Variants in BRD3 observed in about 807,000 individuals in gnomAD.
BRD3 encodes bromodomain containing 3.
A neutral mutation model predicts 66.8 loss-of-function variants in BRD3; 17 were observed. The observed-to-expected ratio is 0.25, with a 90% CI of 0.17 to 0.38. The LOEUF is 0.38. Among genes scored for constraint, BRD3 ranks in the 10% least tolerant of loss-of-function variants. The probability of loss-of-function intolerance (pLI) is 1.00; values close to 1 mark genes in which losing one functional copy is unlikely to be tolerated. For missense variants in BRD3, 713 were observed against 956.1 expected, an observed-to-expected ratio of 0.75 and a Z score of 3.35; for synonymous variants, 421 against 393.2, an observed-to-expected ratio of 1.07 and a Z score of -0.84.
In BRD3 at chr9:134,050,661, TCCAGCCAGAACACGGGTA is replaced by T; in HGVS notation, c.500-91_500-74del. 3 of 1,286,348 alleles carry T rather than the reference TCCAGCCAGAACACGGGTA, an allele frequency of 2.3e-6. No homozygotes were observed. In the Admixed American group the frequency reaches 5.9e-5, roughly 25 times the overall value. The allele number at this position is 1,286,348 out of a possible 1,614,324, so 79.7% of individuals were successfully genotyped here. The stretch of plus-strand genomic sequence containing the variant: ...TTCCAGAAGCTTCCAGTGCCACCCC[TCCAGCCAGAACACGGGTA>T]CCAGCTCTGTGCTGCCAAGACCGCC... On this transcript the variant is annotated intron_variant, in intron 4 of 11. Coordinates refer to ENST00000303407, the MANE Select transcript of BRD3 (RefSeq NM_007371.4).
chr9:134,049,856 G>A (rs889714533), intron 5 of BRD3, among the ~76,000 whole-genome samples: 3 of 152,160 alleles, frequency 2.0e-5, no homozygotes, highest in African/African-American at 7.2e-5. Context: ...CCCAAATCTT[G>A]CAGGGAGCAC....
chr9:134,033,639 C>T lies in BRD3; in HGVS notation c.2132G>A (p.Gly711Glu), dbSNP rs1413697224. 1 of 771,606 alleles carries T rather than the reference C, an allele frequency of 1.3e-6. No individual in the cohort carries two copies. Among genetic ancestry groups the T allele is most frequent in the Non-Finnish European group, 2.4e-6 (1 of 414,010 alleles). The allele number at this position is 771,606 out of a possible 1,614,324, so 47.8% of individuals were successfully genotyped here. A position where few individuals can be genotyped will look rare whatever the true frequency, so the allele number is the denominator to read the frequency against. ...GCTGGACCCGCTGGAGCTGCTGCTCCCAGACTCGGAGGAGCTGCTGCTGCT... is the reference window on the plus strand; with the variant it reads ...GCTGGACCCGCTGGAGCTGCTGCTCTCAGACTCGGAGGAGCTGCTGCTGCT... ...RLSSSSSSESGSSSSSGSSSD... is the reference protein window; with the variant it reads ...RLSSSSSSESESSSSSGSSSD... Residue 711 changes from glycine to glutamate, a missense_variant, in exon 12 of 12, where the codon GGG becomes GAG. Physicochemically the swap from Gly to Glu is moderately conservative, Grantham distance 98. This residue lies in a region of BRD3 where 42 missense variants were observed against 29.2 expected (regional missense o/e 1.44). Coordinates refer to ENST00000303407, the MANE Select transcript of BRD3 (RefSeq NM_007371.4). The surrounding 1 kb of genome is among the most constrained non-coding windows in gnomAD (Gnocchi z 5.1).
chr9:134,051,847 A>ATATGTGTGTGTGTGTGTGTGTGTG (rs1554829351), intron 3 of BRD3, 138 bp from the exon 4 acceptor site: 2 of 508,064 alleles, frequency 3.9e-6, no homozygotes, highest in African/African-American at 6.5e-5. Flanking sequence ...AAATGAATAT[A>ATATGTGTGTGTGTGTGTGTGTGTG]TGTGTGTGTG....
rs777512450 is a variant in BRD3 at position 134,048,419 on chromosome 9, A to T, written c.750T>A (p.Thr250=). Reference sequence around the variant, plus strand: ...TGGCAGTGATGGCCGACGTCGTGGGAGTGGTTGTGTCTGCTTTCCGCTTCA... The same window carrying T: ...TGGCAGTGATGGCCGACGTCGTGGGTGTGGTTGTGTCTGCTTTCCGCTTCA... ...KGVKRKADTT[T]PTTSAITASR... is the part of the protein sequence containing the mutation. Residue 250 remains threonine (T), a synonymous_variant, in exon 6 of 12, where the codon ACT becomes ACA. Coordinates refer to ENST00000303407, the MANE Select transcript of BRD3 (RefSeq NM_007371.4). 1.3e-6 allele frequency: 2 copies of T among 1,598,444 alleles called. No individual in the cohort carries two copies. Among genetic ancestry groups the T allele is most frequent in the Non-Finnish European group, 1.7e-6 (2 of 1,179,866 alleles).
intron 1 of BRD3, among the ~76,000 whole-genome samples, chr9:134,060,702 C>T (rs1035749090): frequency 5.3e-5 from 8 of 152,276 alleles, no homozygotes; most frequent in Non-Finnish European, 1.0e-4. Flanking sequence ...TGACTAGCCC[C>T]CTTCCTGGGT....
Position 134,042,678 on chromosome 9 carries a change from T to C in BRD3, c.1216-727A>G, listed in dbSNP as rs199559581. ...ACACACACACACACACACATATATA[T>C]ACACACACACACATATACACACACA... On this transcript the variant is annotated intron_variant, in intron 7 of 11. Transcript: ENST00000303407. Among the ~76,000 whole-genome samples the C allele has an allele frequency of 6.7e-3, 939 of 139,222 alleles. 7 individuals carry two copies. Among genetic ancestry groups the C allele is most frequent in the African/African-American group, 0.022 (862 of 39,594 alleles). The allele number at this position is 139,222 out of a possible 152,430, so 91.3% of individuals were successfully genotyped here.
Position 134,033,672 on chromosome 9 carries a change from G to C in BRD3, c.2099C>G (p.Ser700Cys), listed in dbSNP as rs1331746951. Residue 700 changes from serine (S) to cysteine (C), a missense_variant, in exon 12 of 12, where the codon TCC becomes TGC. Transcript: ENST00000303407. The surrounding 1 kb of genome is among the most constrained non-coding windows in gnomAD (Gnocchi z 5.1). The stretch of plus-strand genomic sequence containing the variant: ...GGAGGAGCTGCTGCTGCTGAGCCTG[G>C]ACGGGCCCCCTGAGGGTGCTGAGCC... ...KPGSAPSGGP[S>C]RLSSSSSSES... The C allele has an allele frequency of 1.3e-6, 1 of 763,854 alleles. No homozygotes were observed. Among genetic ancestry groups the C allele is most frequent in the African/African-American group, 1.7e-5 (1 of 58,962 alleles). 47.3% of individuals were successfully genotyped at this position (763,854 alleles called of 1,614,324 possible).
intron 6 of BRD3, 84 bp downstream of exon 6, chr9:134,047,999 C>T: frequency 6.9e-7 from 1 of 1,439,894 alleles, no homozygotes; most frequent in Non-Finnish European, 9.1e-7. Context: ...CCCGACAGCC[C>T]CCACTCAGCC....
chr9:134,058,722 A>AG (rs1830476619), intron 1 of BRD3: 1 of 152,336 alleles, frequency 6.6e-6, no homozygotes, highest in African/African-American at 2.4e-5. Flanking sequence ...AGAGATACAC[A>AG]AAGGTTCAAA....
At chr9:134,049,849 A>G (rs1374790791) in intron 5 of BRD3, among the ~76,000 whole-genome samples, 3 of 152,158 alleles carry the variant, frequency 2.0e-5, no homozygotes, top group Non-Finnish European at 4.4e-5. Flanking sequence ...CGCCAGCCCC[A>G]AATCTTGCAG....
chr9:134,034,991 G>C (rs1843577795), intron 10 of BRD3, among the ~76,000 whole-genome samples, 162 bp from the exon 11 acceptor site: 2 of 152,196 alleles, frequency 1.3e-5, no homozygotes, highest in African/African-American at 4.8e-5. Flanking sequence ...GCTGTCACCA[G>C]GGCTTCGAGT....
intron 8 of BRD3, among the ~76,000 whole-genome samples, chr9:134,040,522 C>T (rs537423701): frequency 6.6e-6 from 1 of 152,254 alleles, no homozygotes; most frequent in East Asian, 1.9e-4. Context: ...CAGCACTGCG[C>T]GGGTGGCACA....
At position 134,053,541 on chromosome 9, in the gene BRD3, GCT is replaced by G. The variant is rs1013701625; in HGVS notation, c.-66_-65del. 1.2e-5 allele frequency: 17 copies of G among 1,473,344 alleles called. No individual in the cohort carries two copies. In the African/African-American group the frequency reaches 2.2e-4, roughly 19 times the overall value. The allele number at this position is 1,473,344 out of a possible 1,614,324, so 91.3% of individuals were successfully genotyped here. ...TTGGAGAGGCCCTGGCTGCTTCTACGCTCCCTGAGAAAGCGCGACGTCCCATT... is the reference window on the plus strand; with the variant it reads ...TTGGAGAGGCCCTGGCTGCTTCTACGCCCTGAGAAAGCGCGACGTCCCATT... On this transcript the variant is annotated 5_prime_UTR_variant, in exon 2 of 12. The change creates a premature stop within an existing upstream ORF in the 5' untranslated region. Coordinates refer to ENST00000303407, the MANE Select transcript of BRD3 (RefSeq NM_007371.4).
At position 134,040,261 on chromosome 9, in the gene BRD3, G is replaced by C. The variant is rs201664190; in HGVS notation, c.1416C>G (p.Ala472=). The change falls in exon 9 of 12, where the codon GCC becomes GCG. Residue 472 remains alanine, a synonymous_variant. Transcript: ENST00000303407. ...RLAELQEQLK[A]VHEQLAALSQ... Reference sequence around the variant, plus strand: ...ACAGGGCGGCCAGCTGCTCGTGCACGGCCTTCAGCTGGAAAAGAGCGGGCG... The same window carrying C: ...ACAGGGCGGCCAGCTGCTCGTGCACCGCCTTCAGCTGGAAAAGAGCGGGCG... The C allele has an allele frequency of 6.9e-6, 11 of 1,595,116 alleles. No individual in the cohort carries two copies. Among genetic ancestry groups the C allele is most frequent in the Non-Finnish European group, 9.4e-6 (11 of 1,172,034 alleles).
rs1333145329 is a variant in BRD3, at chr9:134,030,502, C to T, written c.*3088G>A. ...AGTAACTGACATTTACAGGAATATA[C>T]TAGAAACGGCACTAAAAAGTTTAAG... On this transcript the variant is annotated 3_prime_UTR_variant, in exon 12 of 12. Transcript: ENST00000303407. The T allele has an allele frequency of 4.9e-6, 1 of 203,516 alleles. No individual in the cohort carries two copies. The highest frequency in any genetic ancestry group is 7.5e-5 in the East Asian group (1 of 13,296). 12.6% of individuals were successfully genotyped at this position (203,516 alleles called of 1,614,324 possible). A position where few individuals can be genotyped will look rare whatever the true frequency, so the allele number is the denominator to read the frequency against.
Position 134,047,579 on chromosome 9 carries a change from G to A in BRD3, c.1086+504C>T, listed in dbSNP as rs77645561. Among the ~76,000 whole-genome samples, 773 of 152,308 alleles carry A rather than the reference G, an allele frequency of 5.1e-3. 4 individuals carry two copies. The highest frequency in any genetic ancestry group is 0.018 in the African/African-American group (731 of 41,562). Reference sequence around the variant, plus strand: ...CTGGCATGGGGGAGGCCAGGCTCTCGGTCTCAGCTCTGCCACCCACCCAGG... The same window carrying A: ...CTGGCATGGGGGAGGCCAGGCTCTCAGTCTCAGCTCTGCCACCCACCCAGG... On this transcript the variant is annotated intron_variant, in intron 6 of 11. Coordinates refer to ENST00000303407, the MANE Select transcript of BRD3 (RefSeq NM_007371.4).
intron 9 of BRD3, among the ~76,000 whole-genome samples, chr9:134,038,290 G>A (rs1829971556): frequency 6.6e-6 from 1 of 152,062 alleles, no homozygotes; most frequent in African/African-American, 2.4e-5. Flanking sequence ...GAGTAGCTGG[G>A]ATTACAGGCG....
rs966538698 is a variant in BRD3 at position 134,032,506 on chromosome 9, G to A, written c.*1084C>T. On this transcript the variant is annotated 3_prime_UTR_variant, in exon 12 of 12. Coordinates refer to ENST00000303407, the MANE Select transcript of BRD3 (RefSeq NM_007371.4). ...AAACCCAACAAACCCAGGGGCGAGCGCGCGAACAGACGTGGGTGAGCACCG... is the reference window on the plus strand; with the variant it reads ...AAACCCAACAAACCCAGGGGCGAGCACGCGAACAGACGTGGGTGAGCACCG... The A allele has an allele frequency of 3.1e-5, 7 of 227,540 alleles. No individual in the cohort carries two copies. The highest frequency in any genetic ancestry group is 1.8e-4 in the South Asian group (1 of 5,434). The allele number at this position is 227,540 out of a possible 1,614,324, so 14.1% of individuals were successfully genotyped here.
In BRD3 at chr9:134,030,540, A is replaced by G; in HGVS notation, c.*3050T>C. 1 of 212,918 alleles carries G rather than the reference A, an allele frequency of 4.7e-6. No homozygotes were observed. The highest frequency in any genetic ancestry group is 9.5e-6 in the Non-Finnish European group (1 of 105,362). 13.2% of individuals were successfully genotyped at this position (212,918 alleles called of 1,614,324 possible). ...TAAAAAGTTTAAGAAAAGTTACGGTAAACTTGCATGCACATCATACAGAAA... is the reference window on the plus strand; with the variant it reads ...TAAAAAGTTTAAGAAAAGTTACGGTGAACTTGCATGCACATCATACAGAAA... On this transcript the variant is annotated 3_prime_UTR_variant, in exon 12 of 12. Coordinates refer to ENST00000303407, the MANE Select transcript of BRD3 (RefSeq NM_007371.4).
Sources: allele counts gnomAD v4.1 joint callset (sites outside exome capture counted in the v4.1 genomes callset), GRCh38; gene constraint gnomAD v4.1.1; regional missense constraint gnomAD v4.1.1; non-coding constraint Gnocchi (gnomAD v3.1); transcripts MANE v1.5; gene names NCBI Gene and HGNC (gene_info 2026-07-23, HGNC 2026-07-21).